Variants in THBS4 observed in about 807,000 individuals in gnomAD.
The protein encoded by THBS4 is thrombospondin 4.
Under a neutral mutation model 115.7 loss-of-function variants are expected in THBS4, and 90 were observed. The observed-to-expected ratio is 0.78, with a 90% CI of 0.66 to 0.93. THBS4 has a LOEUF of 0.93. THBS4 is among the 40% of genes least tolerant of loss of function. THBS4 has a pLI of 0.00. For synonymous variants in THBS4, 460 were observed against 479.3 expected (o/e 0.96, Z 0.53); for missense variants, 1,087 against 1,232.7 (o/e 0.88, Z 1.77).
intron 3 of THBS4, among the ~76,000 whole-genome samples, chr5:80,057,838 G>A (rs1833481775): frequency 6.6e-6 from 1 of 152,164 alleles, no homozygotes; most frequent in East Asian, 1.9e-4. Context: ...AAATAATACT[G>A]TTTAAAATTG....
At chr5:80,046,681 G>A (rs536185892) in intron 2 of THBS4, among the ~76,000 whole-genome samples, 72 of 152,088 alleles carry the variant, frequency 4.7e-4, no homozygotes, top group African/African-American at 1.7e-3. Context: ...CTTCAGAAAA[G>A]AATTGGATGA....
intron 2 of THBS4, among the ~76,000 whole-genome samples, chr5:80,026,023 G>A (rs976686183): frequency 6.6e-6 from 1 of 152,176 alleles, no homozygotes; most frequent in African/African-American, 2.4e-5. Context: ...TAACTGACAT[G>A]CATGATAAAG....
chr5:80,047,928 A>G (rs1252219141), intron 2 of THBS4, among the ~76,000 whole-genome samples: 1 of 149,962 alleles, frequency 6.7e-6, no homozygotes. Context: ...TACAGGCATG[A>G]GCCACCGCAC....
chr5:80,007,955 C>G (rs1253237797), intron 2 of THBS4, among the ~76,000 whole-genome samples: 3 of 152,156 alleles, frequency 2.0e-5, no homozygotes, highest in Non-Finnish European at 2.9e-5. Flanking sequence ...GAATGAAAGA[C>G]CCTGATTTGT....
chr5:80,076,867 G>A lies in THBS4; in HGVS notation c.1905G>A (p.Gly635=), dbSNP rs769237955. ...CDTNQDSDGD[G]HQDSTDNCPT... Reference sequence around the variant, plus strand: ...CTTTCTCCTGCAGTGATGGAGATGGGCACCAGGACAGCACAGACAACTGCC... The same window carrying A: ...CTTTCTCCTGCAGTGATGGAGATGGACACCAGGACAGCACAGACAACTGCC... Residue 635 remains glycine, a synonymous_variant, in exon 16 of 22, where the codon GGG becomes GGA. Transcript: ENST00000350881. 2 of 1,586,256 alleles carry A rather than the reference G, an allele frequency of 1.3e-6. No homozygotes were observed. The highest frequency in any genetic ancestry group is 1.7e-6 in the Non-Finnish European group (2 of 1,165,302).
chr5:80,055,336 A>G (rs973878095), intron 2 of THBS4, among the ~76,000 whole-genome samples: 5 of 150,840 alleles, frequency 3.3e-5, no homozygotes, highest in South Asian at 2.1e-4. Context: ...AAAAAAAAAA[A>G]GGGAAGAAAT....
intron 4 of THBS4, 109 bp from the exon 5 acceptor site, chr5:80,058,598 GT>G: frequency 1.0e-6 from 1 of 965,500 alleles, no homozygotes; most frequent in Non-Finnish European, 1.6e-6. Flanking sequence ...AAGATTCTGG[GT>G]TTTTGAATCA....
At chr5:80,076,207 A>C (rs1345225072) in intron 15 of THBS4, 1 of 152,212 alleles carries the variant, frequency 6.6e-6, no homozygotes, top group African/African-American at 2.4e-5. Context: ...GGCCCTGTTC[A>C]CTTTGCCCTT....
chr5:80,023,260 AC>A (rs1294719233), intron 2 of THBS4, among the ~76,000 whole-genome samples: 1 of 152,186 alleles, frequency 6.6e-6, no homozygotes, highest in African/African-American at 2.4e-5. Context: ...TCTACATTGG[AC>A]AATATACCTA....
intron 20 of THBS4, among the ~76,000 whole-genome samples, chr5:80,080,577 A>ATTTTTTTTTTTTTTTTT: frequency 3.0e-5 from 2 of 66,826 alleles, no homozygotes; most frequent in Admixed American, 1.7e-4. Flanking sequence ...CAGCGCTTGT[A>ATTTTTTTTTTTTTTTTT]TCTTTTTTTT....
intron 13 of THBS4, 112 bp from the exon 14 acceptor site, chr5:80,072,166 T>C: frequency 3.4e-6 from 3 of 889,320 alleles, no homozygotes; most frequent in Non-Finnish European, 5.6e-6. Context: ...AAGGGTAGTC[T>C]CTGTGTGACA....
At chr5:80,002,436 A>G (rs542602223) in intron 2 of THBS4, among the ~76,000 whole-genome samples, 52 of 152,204 alleles carry the variant, frequency 3.4e-4, no homozygotes, top group African/African-American at 1.2e-3. Context: ...GCATGTCCCA[A>G]AAAGAAACAG....
chr5:80,000,886 C>T (rs1235529624), intron 2 of THBS4, among the ~76,000 whole-genome samples: 1 of 152,046 alleles, frequency 6.6e-6, no homozygotes, highest in Non-Finnish European at 1.5e-5. Context: ...GAAAACATTC[C>T]CAGAGGGTCT....
intron 2 of THBS4, among the ~76,000 whole-genome samples, chr5:80,012,430 G>T (rs1354569771): frequency 6.6e-6 from 1 of 152,100 alleles, no homozygotes; most frequent in South Asian, 2.1e-4. Context: ...GAGGGTATGT[G>T]GTGTGTACAA....
chr5:80,080,184 C>A, intron 20 of THBS4, 107 bp downstream of exon 20: 1 of 1,319,206 alleles, frequency 7.6e-7, no homozygotes, highest in Non-Finnish European at 1.0e-6. Flanking sequence ...GGATAGTCCC[C>A]AAGGACATGC....
In THBS4 at chr5:80,083,261, T is replaced by A; in HGVS notation, c.*120T>A. The A allele has an allele frequency of 1.1e-6, 1 of 888,950 alleles. No homozygotes were observed. The highest frequency in any genetic ancestry group is 2.5e-5 in the East Asian group (1 of 39,814). 55.1% of individuals were successfully genotyped at this position (888,950 alleles called of 1,614,324 possible). ...AAAACGTTTTATGTGAATGTGGCAA[T>A]AAAGGAGAAGAGATCATTTTTAAAA... On this transcript the variant is annotated 3_prime_UTR_variant, in exon 22 of 22. Coordinates refer to ENST00000350881, the MANE Select transcript of THBS4 (RefSeq NM_003248.6).
chr5:80,082,656 A>C (rs1743580103), intron 21 of THBS4, 111 bp downstream of exon 21: 4 of 1,334,316 alleles, frequency 3.0e-6, no homozygotes, highest in African/African-American at 1.5e-5. Flanking sequence ...CATACCACAT[A>C]GTCATTAAAA....
At position 80,070,326 on chromosome 5, in the gene THBS4, A is replaced by G; in HGVS notation, c.1368A>G (p.Gly456=). The G allele has an allele frequency of 6.3e-7, 1 of 1,596,480 alleles. No homozygotes were observed. Among genetic ancestry groups the G allele is most frequent in the South Asian group, 1.1e-5 (1 of 86,998 alleles). ...VTCVCGVGWA[G]DGYICGKDVD... ...TACAGTGTGGAGTCGGTTGGGCTGG[A>G]GATGGCTATATCTGTGGAAAGGATG... The change falls in exon 11 of 22, where the codon GGA becomes GGG. Residue 456 remains glycine (G), a synonymous_variant. Coordinates refer to ENST00000350881, the MANE Select transcript of THBS4 (RefSeq NM_003248.6).
intron 19 of THBS4, 74 bp from the exon 20 acceptor site, chr5:80,079,831 T>C: frequency 6.9e-7 from 1 of 1,444,226 alleles, no homozygotes; most frequent in Non-Finnish European, 9.6e-7. Context: ...ACCTGGATCA[T>C]CACTTCAGAT....
Sources: allele counts gnomAD v4.1 joint callset (sites outside exome capture counted in the v4.1 genomes callset), GRCh38; gene constraint gnomAD v4.1.1; transcripts MANE v1.5; gene names NCBI Gene and HGNC (gene_info 2026-07-23, HGNC 2026-07-21).